Variants in SPATS2 observed in about 807,000 individuals in gnomAD.
SPATS2 encodes spermatogenesis associated serine rich 2, also known as spermatogenesis-associated serine-rich protein 2.
SPATS2 carries 38 observed loss-of-function variants against 63.7 expected under a neutral mutation model. That is an observed-to-expected ratio of 0.60 (90% CI 0.46 to 0.78). SPATS2 has a LOEUF of 0.78. Among genes scored for constraint, SPATS2 ranks in the 30% least tolerant of loss-of-function variants. The probability of loss-of-function intolerance (pLI) is 0.00; values close to 1 mark genes in which losing one functional copy is unlikely to be tolerated. For synonymous variants in SPATS2, 207 were observed against 232.9 expected, an observed-to-expected ratio of 0.89 and a Z score of 1.01; for missense variants, 588 against 666.2, an observed-to-expected ratio of 0.88 and a Z score of 1.29.
At chr12:49,376,202 A>G (rs1374282321) in intron 2 of SPATS2, among the ~76,000 whole-genome samples, 2 of 149,644 alleles carry the variant, frequency 1.3e-5, no homozygotes, top group Non-Finnish European at 3.0e-5. Context: ...CCCAGGTTCA[A>G]GTGATTCTCC....
intron 6 of SPATS2, among the ~76,000 whole-genome samples, chr12:49,494,441 T>C (rs1343403228): frequency 6.6e-6 from 1 of 152,226 alleles, no homozygotes; most frequent in South Asian, 2.1e-4. Flanking sequence ...TCTTTGACTA[T>C]AAGCTGCACA....
chr12:49,470,911 A>G (rs1479336218), intron 3 of SPATS2, among the ~76,000 whole-genome samples: 1 of 152,278 alleles, frequency 6.6e-6, no homozygotes, highest in East Asian at 1.9e-4. Context: ...TCAAGGGAAT[A>G]AAGAACAATT....
At chr12:49,450,090 T>A (rs1945591583) in intron 2 of SPATS2, among the ~76,000 whole-genome samples, 2 of 152,154 alleles carry the variant, frequency 1.3e-5, no homozygotes, top group African/African-American at 4.8e-5. Flanking sequence ...GCCCTTTTTT[T>A]ATTGGTTTGC....
chr12:49,441,644 A>G (rs940282699), intron 2 of SPATS2: 1 of 152,220 alleles, frequency 6.6e-6, no homozygotes, highest in African/African-American at 2.4e-5. Flanking sequence ...ACTGAAGATC[A>G]GTACACAGAC....
chr12:49,514,695 C>A, intron 10 of SPATS2, 82 bp downstream of exon 10: 2 of 1,212,534 alleles, frequency 1.6e-6, no homozygotes, highest in East Asian at 2.5e-5. Context: ...ACAAAAGTTC[C>A]ATATAAATAC....
At chr12:49,519,473 T>C (rs1482145422) in intron 11 of SPATS2, among the ~76,000 whole-genome samples, 3 of 152,168 alleles carry the variant, frequency 2.0e-5, no homozygotes, top group African/African-American at 7.2e-5. Flanking sequence ...ACCACCATTA[T>C]GATCAGGTTA....
chr12:49,515,675 A>G (rs564719065), intron 10 of SPATS2, among the ~76,000 whole-genome samples: 1 of 152,342 alleles, frequency 6.6e-6, no homozygotes, highest in Non-Finnish European at 1.5e-5. Flanking sequence ...GAAAATGGAA[A>G]TGCAGATAAA....
intron 11 of SPATS2, 76 bp downstream of exon 11, chr12:49,519,258 C>A: frequency 8.5e-7 from 1 of 1,171,308 alleles, no homozygotes; most frequent in Non-Finnish European, 1.2e-6. Context: ...AATTCATGGC[C>A]ATATCTAATA....
intron 9 of SPATS2, chr12:49,512,838 T>C: frequency 7.8e-7 from 1 of 1,287,642 alleles, no homozygotes; most frequent in Non-Finnish European, 1.0e-6. Flanking sequence ...CCTGTCTCAG[T>C]TGTGCTTTTG....
intron 8 of SPATS2, 88 bp from the exon 9 acceptor site, chr12:49,499,982 A>G (rs944196717): frequency 1.9e-6 from 2 of 1,042,002 alleles, no homozygotes; most frequent in African/African-American, 3.4e-5. Context: ...TCTACATGAC[A>G]TTTGGCTTTG....
intron 3 of SPATS2, among the ~76,000 whole-genome samples, chr12:49,469,300 G>C (rs1200144830): frequency 1.4e-5 from 2 of 144,148 alleles, no homozygotes; most frequent in Admixed American, 7.4e-5. Context: ...TGAGGCAGGA[G>C]AATCACTTGA....
intron 3 of SPATS2, chr12:49,469,542 TAAAAAAAAAA>T (rs748722366): frequency 1.9e-5 from 6 of 319,706 alleles, no homozygotes; most frequent in East Asian, 1.9e-4. Flanking sequence ...GCTGGGTCTC[TAAAAAAAAAA>T]AAAAAAAAAA....
chr12:49,506,823 G>T (rs1946662020), intron 9 of SPATS2, among the ~76,000 whole-genome samples: 1 of 150,192 alleles, frequency 6.7e-6, no homozygotes, highest in Non-Finnish European at 1.5e-5. Context: ...GACAGAGCAA[G>T]ACCCTGTCTC....
At chr12:49,477,623 G>A (rs988051051) in intron 3 of SPATS2, among the ~76,000 whole-genome samples, 8 of 152,052 alleles carry the variant, frequency 5.3e-5, no homozygotes, top group Non-Finnish European at 7.4e-5. Context: ...CAAAGATGGC[G>A]TTACTCTTAA....
chr12:49,480,827 T>C (rs1470887768), intron 3 of SPATS2, among the ~76,000 whole-genome samples: 1 of 151,926 alleles, frequency 6.6e-6, no homozygotes, highest in Non-Finnish European at 1.5e-5. Flanking sequence ...ATATGCACCC[T>C]GGGTATAAAT....
intron 2 of SPATS2, among the ~76,000 whole-genome samples, chr12:49,429,834 T>C (rs1265047482): frequency 2.1e-5 from 3 of 143,640 alleles, no homozygotes; most frequent in African/African-American, 5.2e-5. Flanking sequence ...AGGCTGGAGT[T>C]CAGTGGCATG....
chr12:49,393,359 T>C (rs1002130202), intron 2 of SPATS2, among the ~76,000 whole-genome samples: 3 of 152,204 alleles, frequency 2.0e-5, no homozygotes, highest in African/African-American at 7.2e-5. Flanking sequence ...GATTGTTGAC[T>C]AGATCCATTC....
chr12:49,484,423 T>G (rs1419047299), intron 3 of SPATS2, among the ~76,000 whole-genome samples, 167 bp from the exon 4 acceptor site: 1 of 152,246 alleles, frequency 6.6e-6, no homozygotes, highest in Non-Finnish European at 1.5e-5. Flanking sequence ...ATTATAAGTT[T>G]AATTCAAAAG....
At chr12:49,499,086 C>G (rs1946518083) in intron 8 of SPATS2, among the ~76,000 whole-genome samples, 1 of 152,058 alleles carries the variant, frequency 6.6e-6, no homozygotes, top group Non-Finnish European at 1.5e-5. Flanking sequence ...ACACCTGGCC[C>G]TATAGTATCT....
Sources: gnomAD v4.1 joint callset for allele counts (sites outside exome capture counted in the v4.1 genomes callset) on GRCh38, gnomAD v4.1.1 for gene constraint, MANE v1.5 for transcripts, NCBI Gene and HGNC (gene_info 2026-07-23, HGNC 2026-07-21) for gene names.